The following SUMF1 variants were observed in gnomAD, a reference collection of about 807,000 sequenced individuals.
The protein encoded by SUMF1 is sulfatase modifying factor 1.
In SUMF1, 48 loss-of-function variants were observed where a neutral mutation model predicts 47.6. The observed-to-expected ratio is 1.01, with a 90% CI of 0.80 to 1.28. SUMF1 has a LOEUF of 1.28. SUMF1 is among the 50% of genes most tolerant of loss of function. SUMF1 has a pLI of 0.00. For missense variants in SUMF1, 571 were observed against 485.4 expected, an observed-to-expected ratio of 1.18 and a Z score of -1.66; for synonymous variants, 230 against 192.1, an observed-to-expected ratio of 1.20 and a Z score of -1.63.
intron 8 of SUMF1, among the ~76,000 whole-genome samples, chr3:4,143,223 G>C (rs1294790264): frequency 1.3e-5 from 2 of 152,110 alleles, no homozygotes; most frequent in African/African-American, 4.8e-5. Context: ...CATTAAAACA[G>C]AAAATGCCCA....
intron 1 of SUMF1, among the ~76,000 whole-genome samples, chr3:4,453,334 T>C (rs1013773117): frequency 1.3e-4 from 20 of 152,158 alleles, no homozygotes; most frequent in African/African-American, 4.8e-4. Context: ...ACCAAGCCGC[T>C]AACGGCTAGA....
At chr3:4,067,776 G>T (rs1695412455) in intron 9 of SUMF1, among the ~76,000 whole-genome samples, 6 of 152,148 alleles carry the variant, frequency 3.9e-5, no homozygotes, top group African/African-American at 1.4e-4. Flanking sequence ...TCAAGAGAGT[G>T]GGGAGTTTTG....
chr3:4,238,837 G>A (rs893049383), intron 8 of SUMF1, among the ~76,000 whole-genome samples: 3 of 152,168 alleles, frequency 2.0e-5, no homozygotes, highest in Non-Finnish European at 4.4e-5. Flanking sequence ...TTTTAGTCAT[G>A]AAGTATTTGC....
intron 8 of SUMF1, among the ~76,000 whole-genome samples, chr3:4,343,972 T>C (rs1508705): frequency 0.18 from 28,045 of 152,214 alleles, 2,695 homozygotes; most frequent in Middle Eastern, 0.25. Context: ...TAGACCTTTA[T>C]AGAACTTTCA....
At chr3:4,182,950 C>T (rs1324164575) in intron 8 of SUMF1, among the ~76,000 whole-genome samples, 1 of 149,968 alleles carries the variant, frequency 6.7e-6, no homozygotes, top group East Asian at 2.0e-4. Flanking sequence ...ACAGAAAAAA[C>T]CCAGCCAATT....
At chr3:4,372,426 T>G (rs1700197866) in intron 8 of SUMF1, among the ~76,000 whole-genome samples, 1 of 152,252 alleles carries the variant, frequency 6.6e-6, no homozygotes, top group Non-Finnish European at 1.5e-5. Flanking sequence ...TTATTGATTT[T>G]TTTCCTTTTA....
In SUMF1 at chr3:4,312,835, C is replaced by T. The variant is rs527283678; in HGVS notation, c.1014+63495G>A. The T allele has an allele frequency of 1.1e-5, 16 of 1,518,056 alleles. No homozygotes were observed. In the East Asian group the frequency reaches 3.2e-4, roughly 30 times the overall value. 94.0% of individuals were successfully genotyped at this position (1,518,056 alleles called of 1,614,324 possible). A position where few individuals can be genotyped will look rare whatever the true frequency, so the allele number is the denominator to read the frequency against. ...TAGAATGGGTCCCAGTCAGAAGCTA[C>T]TTGGAATATATAGGAAATATATGAC... On this transcript the variant is annotated intron_variant and NMD_transcript_variant, in intron 8 of 12. Transcript: ENST00000448413.
At chr3:4,302,263 A>T (rs1045100095) in intron 8 of SUMF1, among the ~76,000 whole-genome samples, 1 of 152,198 alleles carries the variant, frequency 6.6e-6, no homozygotes, top group Non-Finnish European at 1.5e-5. Flanking sequence ...TAATACATCA[A>T]TCAATACATG....
At chr3:4,078,086 C>T (rs2600111) in intron 8 of SUMF1, among the ~76,000 whole-genome samples, 96,969 of 151,540 alleles carry the variant, frequency 0.64, 31,453 homozygotes, top group Non-Finnish European at 0.69. Context: ...TTCCCCTCTC[C>T]TATGCTAATA....
chr3:4,378,474 C>T (rs1418431780), intron 7 of SUMF1, among the ~76,000 whole-genome samples: 2 of 152,202 alleles, frequency 1.3e-5, no homozygotes, highest in African/African-American at 4.8e-5. Context: ...CCTTCAACTG[C>T]AGGGCTACAA....
intron 8 of SUMF1, among the ~76,000 whole-genome samples, chr3:4,282,219 T>C (rs1173294832): frequency 2.6e-5 from 4 of 152,138 alleles, no homozygotes; most frequent in African/African-American, 9.7e-5. Context: ...CCATGAAACA[T>C]AAAATCAATG....
intron 7 of SUMF1, among the ~76,000 whole-genome samples, chr3:4,384,951 G>C (rs1463718843): frequency 1.3e-5 from 2 of 151,472 alleles, no homozygotes; most frequent in African/African-American, 4.9e-5. Flanking sequence ...AGTGGAGTAA[G>C]CTTGGGTCAT....
chr3:4,151,411 A>ATG (rs1559514043), intron 8 of SUMF1, among the ~76,000 whole-genome samples: 1 of 143,626 alleles, frequency 7.0e-6, no homozygotes, highest in African/African-American at 2.7e-5. Flanking sequence ...ATATGTATAT[A>ATG]TGTATATATG....
intron 8 of SUMF1, among the ~76,000 whole-genome samples, chr3:4,084,308 G>T (rs2125047660): frequency 6.6e-6 from 1 of 152,196 alleles, no homozygotes; most frequent in East Asian, 1.9e-4. Flanking sequence ...TATACAGGAG[G>T]CTACTCAGGA....
intron 8 of SUMF1, 122 bp downstream of exon 8, chr3:4,376,208 T>C: frequency 4.2e-6 from 5 of 1,198,718 alleles, no homozygotes; most frequent in Non-Finnish European, 6.2e-6. Flanking sequence ...TTTTTCTGGT[T>C]TCAGTGGGGT....
At chr3:4,101,084 G>T (rs1474482913) in intron 8 of SUMF1, among the ~76,000 whole-genome samples, 1 of 151,834 alleles carries the variant, frequency 6.6e-6, no homozygotes, top group Admixed American at 6.6e-5. Context: ...ACAGTATGGG[G>T]GATCTTCATA....
intron 8 of SUMF1, among the ~76,000 whole-genome samples, chr3:4,241,794 C>G (rs1228545072): frequency 6.6e-6 from 1 of 152,096 alleles, no homozygotes; most frequent in Non-Finnish European, 1.5e-5. Flanking sequence ...GAACAGCAAC[C>G]AAATGGGACT....
intron 8 of SUMF1, among the ~76,000 whole-genome samples, chr3:4,070,625 G>T (rs1364253156): frequency 6.6e-6 from 1 of 152,002 alleles, no homozygotes; most frequent in African/African-American, 2.4e-5. Flanking sequence ...TTTCCTTTCA[G>T]TCCTTTCTTT....
At chr3:4,388,627 T>G (rs1700749733) in intron 7 of SUMF1, among the ~76,000 whole-genome samples, 1 of 152,092 alleles carries the variant, frequency 6.6e-6, no homozygotes, top group African/African-American at 2.4e-5. Context: ...GTTCTCTATT[T>G]TTTTGTCTCT....
Sources: gnomAD v4.1 joint callset for allele counts (sites outside exome capture counted in the v4.1 genomes callset) on GRCh38, gnomAD v4.1.1 for gene constraint, MANE v1.5 for transcripts, NCBI Gene and HGNC (gene_info 2026-07-23, HGNC 2026-07-21) for gene names.